RASA3: variants seen among roughly 807,000 people sequenced by gnomAD.
RASA3 encodes RAS p21 protein activator 3.
Under a neutral mutation model 110.0 loss-of-function variants are expected in RASA3, and 73 were observed. The observed-to-expected ratio is 0.66, with a 90% CI of 0.55 to 0.81. RASA3 has a LOEUF of 0.81. Among genes scored for constraint, RASA3 ranks in the 30% least tolerant of loss-of-function variants. The pLI is 0.00. For synonymous variants in RASA3, 500 were observed against 451.4 expected (o/e 1.11, Z -1.37); for missense variants, 976 against 1,113.2 (o/e 0.88, Z 1.75).
At chr13:114,009,838 C>T (rs1276710638) in intron 16 of RASA3, among the ~76,000 whole-genome samples, 1 of 152,260 alleles carries the variant, frequency 6.6e-6, no homozygotes, top group African/African-American at 2.4e-5. Flanking sequence ...AGAGCCCCCA[C>T]GCCCATCTCT....
At chr13:114,108,395 G>GTCCGTCACCCCA in intron 1 of RASA3, among the ~76,000 whole-genome samples, 1 of 36,264 alleles carries the variant, frequency 2.8e-5, no homozygotes, top group Non-Finnish European at 5.3e-5. Flanking sequence ...GTCACCCCAT[G>GTCCGTCACCCCA]TCCGTCACCC....
chr13:114,024,405 G>A lies in RASA3; in HGVS notation c.604-50C>T, dbSNP rs187203089. 1.1e-3 allele frequency: 1,770 copies of A among 1,562,994 alleles called. 21 individuals carry two copies. The African/African-American group carries it at 0.021, about 19-fold the overall frequency. ...GCTGAGACCGCGGTGCCACCAGGCGGGGGTATATGCGGACCTAGGCCCCGG... is the reference window on the plus strand; with the variant it reads ...GCTGAGACCGCGGTGCCACCAGGCGAGGGTATATGCGGACCTAGGCCCCGG... On this transcript the variant is annotated intron_variant, in intron 7 of 23. Coordinates refer to ENST00000334062, the MANE Select transcript of RASA3 (RefSeq NM_007368.4).
At chr13:114,041,268 G>T (rs542617646) in intron 3 of RASA3, among the ~76,000 whole-genome samples, 174 bp from the exon 4 acceptor site, 4 of 152,264 alleles carry the variant, frequency 2.6e-5, no homozygotes, top group Non-Finnish European at 4.4e-5. Flanking sequence ...GGAGGCCCAG[G>T]GGGGAGGGTC....
At chr13:114,122,095 G>A (rs1037164140) in intron 1 of RASA3, among the ~76,000 whole-genome samples, 1 of 152,250 alleles carries the variant, frequency 6.6e-6, no homozygotes, top group Non-Finnish European at 1.5e-5. Context: ...GGGAGGGAGA[G>A]GATCTGGGAG....
intron 1 of RASA3, among the ~76,000 whole-genome samples, chr13:114,100,385 A>G (rs1198138228): frequency 1.3e-5 from 2 of 151,960 alleles, no homozygotes; most frequent in Non-Finnish European, 2.9e-5. Context: ...TGTGCGCAAC[A>G]CCCAGGAGCC....
intron 1 of RASA3, chr13:114,108,750 G>A (rs1209217677): frequency 6.6e-6 from 1 of 152,134 alleles, no homozygotes; most frequent in Non-Finnish European, 1.5e-5. Context: ...CTCTCCAGGA[G>A]TTCTTCTGAT....
At chr13:114,049,479 C>T (rs2139537702) in intron 3 of RASA3, among the ~76,000 whole-genome samples, 1 of 152,292 alleles carries the variant, frequency 6.6e-6, no homozygotes, top group South Asian at 2.1e-4. Context: ...CATATAACTC[C>T]AGAACTAACT....
intron 2 of RASA3, among the ~76,000 whole-genome samples, chr13:114,062,026 C>T (rs1047514066): frequency 5.9e-5 from 9 of 152,164 alleles, no homozygotes; most frequent in African/African-American, 1.4e-4. Flanking sequence ...GTCGGACTGA[C>T]GCCGTCCTGG....
In RASA3 at chr13:114,024,358, G is replaced by C; in HGVS notation, c.604-3C>G. The C allele has an allele frequency of 6.2e-7, 1 of 1,613,494 alleles. No individual in the cohort carries two copies. Among genetic ancestry groups the C allele is most frequent in the Non-Finnish European group, 8.5e-7 (1 of 1,179,650 alleles). ...CTGTAGCTACAGGGCCGGGTCACCT[G>C]GAGTCAGACGAGAGAGAAAGCGCTG... On this transcript the variant is annotated splice_polypyrimidine_tract_variant and splice_region_variant and intron_variant, in intron 7 of 23. Transcript: ENST00000334062.
intron 1 of RASA3, among the ~76,000 whole-genome samples, chr13:114,113,022 G>A (rs895884386): frequency 4.6e-5 from 7 of 152,194 alleles, no homozygotes; most frequent in South Asian, 2.1e-4. Flanking sequence ...TCCAGAGCCC[G>A]TGGAGGCCCT....
chr13:114,100,816 GC>G (rs1297401958), intron 1 of RASA3, among the ~76,000 whole-genome samples: 2 of 152,196 alleles, frequency 1.3e-5, no homozygotes, highest in African/African-American at 4.8e-5. Flanking sequence ...TGGAGCCCGG[GC>G]CCCATGCGTC....
At chr13:114,047,487 T>TCA (rs2079072134) in intron 3 of RASA3, among the ~76,000 whole-genome samples, 4 of 152,140 alleles carry the variant, frequency 2.6e-5, no homozygotes, top group African/African-American at 9.7e-5. Context: ...GGAGACACGG[T>TCA]TGGGTAGTTT....
At chr13:114,021,758 A>G in intron 8 of RASA3, among the ~76,000 whole-genome samples, 1 of 152,216 alleles carries the variant, frequency 6.6e-6, no homozygotes, top group East Asian at 1.9e-4. Flanking sequence ...GCCCGGACTC[A>G]GACCCAGGCT....
At position 114,000,125 on chromosome 13, in the gene RASA3, G is replaced by A. The variant is rs556338461; in HGVS notation, c.1850-458C>T. Among the ~76,000 whole-genome samples the A allele has an allele frequency of 4.2e-4, 51 of 122,710 alleles. 1 individual carries two copies. In the South Asian group the frequency reaches 7.1e-3, roughly 17 times the overall value. 80.5% of individuals were successfully genotyped at this position (122,710 alleles called of 152,430 possible). ...CTGTTGGGGTGGTCTCTGCCAGGAG[G>A]GTCTCTGCTGGGGGGGGTCTCTGTT... On this transcript the variant is annotated intron_variant, in intron 19 of 23. Coordinates refer to ENST00000334062, the MANE Select transcript of RASA3 (RefSeq NM_007368.4).
intron 2 of RASA3, among the ~76,000 whole-genome samples, chr13:114,070,637 G>A (rs943485057): frequency 1.5e-4 from 22 of 151,102 alleles, no homozygotes; most frequent in East Asian, 7.9e-4. Flanking sequence ...CAGGGCTGCC[G>A]GCGTCCACGC....
At position 113,981,803 on chromosome 13, in the gene RASA3, C is replaced by T. The variant is rs141575775; in HGVS notation, c.2301G>A (p.Thr767=). 22 of 1,614,006 alleles carry T rather than the reference C, an allele frequency of 1.4e-5. No individual in the cohort carries two copies. The highest frequency in any genetic ancestry group is 3.3e-4 in the Middle Eastern group (2 of 6,060). The change falls in exon 23 of 24, where the codon ACG becomes ACA. Residue 767 remains threonine (T), a synonymous_variant. Coordinates refer to ENST00000334062, the MANE Select transcript of RASA3 (RefSeq NM_007368.4). ...TCTCCTGGGGGTCGTCAATGACGAACGTCGAATACTCCTCCTGCTCCGGGC... is the reference window on the plus strand; with the variant it reads ...TCTCCTGGGGGTCGTCAATGACGAATGTCGAATACTCCTCCTGCTCCGGGC... ...YDGPEQEEYS[T]FVIDDPQETY... is the part of the protein sequence containing the mutation.
rs141543345 is a variant in RASA3, at chr13:114,046,156, A to G, written c.278-5062T>C. 4.0e-3 allele frequency among the ~76,000 whole-genome samples: 602 copies of G among 152,368 alleles called. 3 individuals carry two copies. The highest frequency in any genetic ancestry group is 0.014 in the African/African-American group (577 of 41,588). ...ACAAATTTGATGATCTTACACTACA[A>G]TGTAAGACCTGCTATGAAGCTATAG... On this transcript the variant is annotated intron_variant, in intron 3 of 23. Transcript: ENST00000334062.
At chr13:114,098,855 C>T (rs1594451438) in intron 1 of RASA3, among the ~76,000 whole-genome samples, 1 of 152,180 alleles carries the variant, frequency 6.6e-6, no homozygotes, top group Admixed American at 6.5e-5. Flanking sequence ...ACACTCTAAC[C>T]TTTGCTTCAG....
intron 8 of RASA3, among the ~76,000 whole-genome samples, chr13:114,022,608 G>C (rs147676597): frequency 3.3e-5 from 5 of 152,202 alleles, no homozygotes; most frequent in Admixed American, 3.3e-4. Context: ...CATCTGGGCC[G>C]GGGAGGGCTG....
Sources: allele counts gnomAD v4.1 joint callset (sites outside exome capture counted in the v4.1 genomes callset), GRCh38; gene constraint gnomAD v4.1.1; transcripts MANE v1.5; gene names NCBI Gene and HGNC (gene_info 2026-07-23, HGNC 2026-07-21).